LZTS1: variants seen among roughly 807,000 people sequenced by gnomAD.
LZTS1 encodes leucine zipper tumor suppressor 1, also known as leucine zipper putative tumor suppressor 1.
LZTS1 carries 31 observed loss-of-function variants against 45.8 expected under a neutral mutation model. That is an observed-to-expected ratio of 0.68 (90% confidence interval 0.51 to 0.91). The LOEUF (loss-of-function observed/expected upper bound fraction) is 0.91, where lower values mean the gene tolerates loss of function less well. Ranked by LOEUF, LZTS1 falls within the 40% of genes least tolerant of loss-of-function variation. LZTS1 has a pLI of 0.00. For synonymous variants in LZTS1, 359 were observed against 357.3 expected, an observed-to-expected ratio of 1.00 and a Z score of -0.05; for missense variants, 821 against 788.9, an observed-to-expected ratio of 1.04 and a Z score of -0.49.
At chr8:20,283,581 T>C (rs4922151) in intron 1 of LZTS1, among the ~76,000 whole-genome samples, 96,015 of 151,976 alleles carry the variant, frequency 0.63, 30,309 homozygotes, top group Middle Eastern at 0.67. Flanking sequence ...GCAGTTTACA[T>C]GGAGAGCCAT....
chr8:20,295,607 C>G (rs1800966422), intron 1 of LZTS1, among the ~76,000 whole-genome samples: 1 of 152,146 alleles, frequency 6.6e-6, no homozygotes, highest in African/African-American at 2.4e-5. Flanking sequence ...GGGCTTATAA[C>G]CTATGCTGGG....
intron 1 of LZTS1, among the ~76,000 whole-genome samples, chr8:20,273,518 C>T (rs1321558144): frequency 6.6e-6 from 1 of 152,188 alleles, no homozygotes; most frequent in Non-Finnish European, 1.5e-5. Context: ...CATCTGCCTT[C>T]AGCGTGCCCC....
chr8:20,267,162 C>T (rs1047563506), intron 1 of LZTS1, among the ~76,000 whole-genome samples: 16 of 152,190 alleles, frequency 1.1e-4, no homozygotes, highest in African/African-American at 3.6e-4. Flanking sequence ...TCTTATCCGC[C>T]TCACCTCTCA....
At position 20,252,833 on chromosome 8, in the gene LZTS1, G is replaced by C; in HGVS notation, c.1098C>G (p.Tyr366Ter). The C allele has an allele frequency of 6.4e-7, 1 of 1,565,064 alleles. No homozygotes were observed. Among genetic ancestry groups the C allele is most frequent in the Non-Finnish European group, 8.6e-7 (1 of 1,156,186 alleles). Residue 366 changes from tyrosine (Y) to a stop codon, truncating the protein, a stop_gained, in exon 3 of 4, where the codon TAC (tyrosine) becomes TAG (stop). Coordinates refer to ENST00000381569, the MANE Select transcript of LZTS1 (RefSeq NM_021020.5). LOFTEE classifies it high-confidence loss of function. ...QDLLETKLRSYEREKTSFGPA... is the reference protein window; with the variant it reads ...QDLLETKLRS ...GGCCGAAGCTGGTCTTCTCCCTCTC[G>C]TAGGACCTGAGCTTGGTCTCCAGCA... is the stretch of plus-strand genomic sequence containing the variant.
At chr8:20,296,212 C>A (rs1032278445) in intron 1 of LZTS1, among the ~76,000 whole-genome samples, 3 of 152,220 alleles carry the variant, frequency 2.0e-5, no homozygotes, top group Non-Finnish European at 2.9e-5. Flanking sequence ...AAGTGCACAG[C>A]CCTGCCCTGA....
intron 1 of LZTS1, among the ~76,000 whole-genome samples, chr8:20,295,193 G>A (rs1165590409): frequency 6.6e-6 from 1 of 152,160 alleles, no homozygotes; most frequent in African/African-American, 2.4e-5. Context: ...CCTCCTGCCA[G>A]CCCCGGCACC....
intron 1 of LZTS1, among the ~76,000 whole-genome samples, chr8:20,273,800 C>G (rs1051155344): frequency 1.3e-5 from 2 of 151,970 alleles, no homozygotes; most frequent in African/African-American, 4.8e-5. Flanking sequence ...CCTAGCTCTC[C>G]CAAGGCTACC....
At chr8:20,292,666 G>A (rs28690412) in intron 1 of LZTS1, among the ~76,000 whole-genome samples, 82,980 of 151,932 alleles carry the variant, frequency 0.55, 24,146 homozygotes, top group Non-Finnish European at 0.65. Flanking sequence ...AAATCCACCA[G>A]GACTGAAAGC....
At chr8:20,282,181 G>A (rs1800706127) in intron 1 of LZTS1, among the ~76,000 whole-genome samples, 1 of 152,162 alleles carries the variant, frequency 6.6e-6, no homozygotes, top group Non-Finnish European at 1.5e-5. Context: ...ACCCTCACTG[G>A]CACTTACAAG....
chr8:20,302,164 C>G (rs1370515684), intron 1 of LZTS1, among the ~76,000 whole-genome samples: 1 of 152,092 alleles, frequency 6.6e-6, no homozygotes, highest in Admixed American at 6.6e-5. Flanking sequence ...GCCCACCGCA[C>G]CAACCTGGTA....
At chr8:20,268,686 G>A (rs1478244140) in intron 1 of LZTS1, among the ~76,000 whole-genome samples, 3 of 152,034 alleles carry the variant, frequency 2.0e-5, no homozygotes, top group Admixed American at 2.0e-4. Context: ...ATGAAAAAGA[G>A]GCGAGAGTGG....
rs1012848021 is a variant in LZTS1, at chr8:20,248,498, G to A, written c.*1224C>T. ...ATCCTTTAGTCTGGGACAAATGGGG[G>A]TCTTGAGGTGGAGGGAGGATGGCTG... is the stretch of plus-strand genomic sequence containing the variant. On this transcript the variant is annotated 3_prime_UTR_variant, in exon 4 of 4. Coordinates refer to ENST00000381569, the MANE Select transcript of LZTS1 (RefSeq NM_021020.5). 7.9e-5 allele frequency: 12 copies of A among 152,482 alleles called. No individual in the cohort carries two copies. The highest frequency in any genetic ancestry group is 2.7e-4 in the African/African-American group (11 of 41,434). 9.4% of individuals were successfully genotyped at this position (152,482 alleles called of 1,614,324 possible).
intron 1 of LZTS1, among the ~76,000 whole-genome samples, chr8:20,293,047 C>T (rs981507138): frequency 1.3e-5 from 2 of 152,128 alleles, no homozygotes; most frequent in African/African-American, 4.8e-5. Flanking sequence ...GCCTCGGTCA[C>T]CCCAGATATT....
At position 20,270,945 on chromosome 8, in the gene LZTS1, G is replaced by A. The variant is rs182794755; in HGVS notation, c.-134-15630C>T. Among the ~76,000 whole-genome samples, 63 of 152,122 alleles carry A rather than the reference G, an allele frequency of 4.1e-4. 1 individual carries two copies. In the South Asian group the frequency reaches 6.6e-3, roughly 16 times the overall value. On this transcript the variant is annotated intron_variant, in intron 1 of 3. Coordinates refer to ENST00000381569, the MANE Select transcript of LZTS1 (RefSeq NM_021020.5). ...TGAGGAAGCCCCAGCAGGAAGCACA[G>A]CTCAGATTCCTGACTTTGGGTGCTG...
At position 20,250,057 on chromosome 8, in the gene LZTS1, G is replaced by A. The variant is rs772213928; in HGVS notation, c.1456C>T (p.Arg486Cys). The change falls in exon 4 of 4, where the codon CGC (arginine) becomes TGC (cysteine). Residue 486 changes from arginine (R) to cysteine (C), a missense_variant. Transcript: ENST00000381569. ...GGGAAGGTGGGCGGCCCCATGTCGC[G>A]GGCCAGGGCGGCCTGGGCCCGCAGC... is the stretch of plus-strand genomic sequence containing the variant. ...QELRAQAALA[R>C]DMGPPTFPED... 34 of 1,607,646 alleles carry A rather than the reference G, an allele frequency of 2.1e-5. No homozygotes were observed. The African/African-American group carries it at 2.3e-4, about 11-fold the overall frequency.
chr8:20,291,492 A>C (rs1800900690), intron 1 of LZTS1, among the ~76,000 whole-genome samples: 1 of 152,216 alleles, frequency 6.6e-6, no homozygotes, highest in African/African-American at 2.4e-5. Context: ...ATTTTCATAA[A>C]AATTCTATAT....
At position 20,253,123 on chromosome 8, in the gene LZTS1, G is replaced by A; in HGVS notation, c.808C>T (p.Leu270=). The A allele has an allele frequency of 6.2e-7, 1 of 1,612,246 alleles. No homozygotes were observed. The highest frequency in any genetic ancestry group is 1.1e-5 in the South Asian group (1 of 91,074). The change falls in exon 3 of 4, where the codon CTG becomes TTG. Residue 270 remains leucine, a synonymous_variant. Coordinates refer to ENST00000381569, the MANE Select transcript of LZTS1 (RefSeq NM_021020.5). Reference sequence around the variant, plus strand: ...TGGAGGGCGCCCTCCCTCTCCAACAGCTTCTGCTCCAGCTCCTGGATGCTG... The same window carrying A: ...TGGAGGGCGCCCTCCCTCTCCAACAACTTCTGCTCCAGCTCCTGGATGCTG... The part of the protein sequence containing the change: ...ECSIQELEQK[L]LEREGALQKL...
At chr8:20,283,796 C>G (rs1800739713) in intron 1 of LZTS1, among the ~76,000 whole-genome samples, 1 of 152,146 alleles carries the variant, frequency 6.6e-6, no homozygotes, top group Non-Finnish European at 1.5e-5. Flanking sequence ...CTGGCTGCAA[C>G]TTCAGGTCAC....
rs117934000 is a variant in LZTS1, at chr8:20,266,215, G to A, written c.-134-10900C>T. 2.8e-4 allele frequency among the ~76,000 whole-genome samples: 42 copies of A among 152,196 alleles called. 1 individual carries two copies. In the East Asian group the frequency reaches 7.4e-3, roughly 27 times the overall value. On this transcript the variant is annotated intron_variant, in intron 1 of 3. Transcript: ENST00000381569. ...TTTTTAAATTTTGTGCAGAGACAGG[G>A]CAGGGCTTGCTATGTTGCCTAGGCT...
Sources: allele counts gnomAD v4.1 joint callset (sites outside exome capture counted in the v4.1 genomes callset), GRCh38; gene constraint gnomAD v4.1.1; transcripts MANE v1.5; gene names NCBI Gene and HGNC (gene_info 2026-07-23, HGNC 2026-07-21).